BMPR1A: variants seen among roughly 807,000 people sequenced by gnomAD.
The protein encoded by BMPR1A is bone morphogenetic protein receptor type-1A.
A neutral mutation model predicts 66.0 loss-of-function variants in BMPR1A; 7 were observed. That is an observed-to-expected ratio of 0.11 (90% CI 0.06 to 0.20). The LOEUF (loss-of-function observed/expected upper bound fraction) is 0.20, where lower values mean the gene tolerates loss of function less well. BMPR1A is among the 10% of genes least tolerant of loss of function. The probability of loss-of-function intolerance (pLI) is 1.00; values close to 1 mark genes in which losing one functional copy is unlikely to be tolerated. For synonymous variants in BMPR1A, 200 were observed against 229.7 expected, an observed-to-expected ratio of 0.87 and a Z score of 1.17; for missense variants, 408 against 669.1, an observed-to-expected ratio of 0.61 and a Z score of 4.31.
At chr10:86,850,410 G>A (rs986953904) in intron 2 of BMPR1A, among the ~76,000 whole-genome samples, 4 of 152,104 alleles carry the variant, frequency 2.6e-5, no homozygotes, top group African/African-American at 9.7e-5. Flanking sequence ...AATAAAGGTG[G>A]TCTTATCTAC....
intron 1 of BMPR1A, among the ~76,000 whole-genome samples, chr10:86,787,356 C>T (rs577079785): frequency 2.5e-4 from 38 of 152,096 alleles, no homozygotes; most frequent in African/African-American, 8.7e-4. Context: ...AAATTTAACA[C>T]GGAAAGTAAC....
intron 1 of BMPR1A, among the ~76,000 whole-genome samples, chr10:86,804,630 C>A (rs111282116): frequency 6.6e-6 from 1 of 151,894 alleles, no homozygotes. Context: ...TTATTAAGTG[C>A]AAGATTGGTG....
intron 1 of BMPR1A, among the ~76,000 whole-genome samples, chr10:86,793,095 C>A (rs1018191989): frequency 3.0e-5 from 3 of 99,586 alleles, no homozygotes; most frequent in Admixed American, 2.0e-4. Flanking sequence ...CTGATCTATA[C>A]CCCCCCCCAC....
chr10:86,905,416 C>T (rs1052696480), intron 7 of BMPR1A, among the ~76,000 whole-genome samples: 2 of 152,212 alleles, frequency 1.3e-5, no homozygotes, highest in Admixed American at 1.3e-4. Context: ...TATTCGTTTA[C>T]TTACTCATGC....
intron 8 of BMPR1A, among the ~76,000 whole-genome samples, chr10:86,915,102 A>C (rs1843545436): frequency 6.6e-6 from 1 of 152,212 alleles, no homozygotes; most frequent in South Asian, 2.1e-4. Context: ...ACATGAAAGA[A>C]GCCAGACACA....
intron 1 of BMPR1A, among the ~76,000 whole-genome samples, chr10:86,797,136 C>T (rs75348273): frequency 6.8e-6 from 1 of 146,456 alleles, no homozygotes; most frequent in Non-Finnish European, 1.5e-5. Context: ...GCGATCTCTG[C>T]TCACTGCAGC....
At chr10:86,860,535 C>T (rs114089409) in intron 2 of BMPR1A, among the ~76,000 whole-genome samples, 1,713 of 151,926 alleles carry the variant, frequency 0.011, 29 homozygotes, top group African/African-American at 0.039. Context: ...TTTGGGAGGC[C>T]GAAGCTGGTG....
At chr10:86,913,156 G>C (rs1028235835) in intron 8 of BMPR1A, among the ~76,000 whole-genome samples, 1 of 151,844 alleles carries the variant, frequency 6.6e-6, no homozygotes, top group Non-Finnish European at 1.5e-5. Context: ...AGATAGTCTT[G>C]CTCTGTCACC....
At chr10:86,914,660 G>A (rs1843538267) in intron 8 of BMPR1A, among the ~76,000 whole-genome samples, 1 of 152,130 alleles carries the variant, frequency 6.6e-6, no homozygotes, top group Admixed American at 6.6e-5. Flanking sequence ...ATTAAACACA[G>A]TAAGATACTA....
At chr10:86,882,467 A>G (rs1215945827) in intron 3 of BMPR1A, among the ~76,000 whole-genome samples, 3 of 152,008 alleles carry the variant, frequency 2.0e-5, no homozygotes, top group Non-Finnish European at 4.4e-5. Flanking sequence ...TTTCAAACAT[A>G]TATATGTAAA....
intron 1 of BMPR1A, among the ~76,000 whole-genome samples, chr10:86,771,247 A>C (rs1841255374): frequency 6.6e-6 from 1 of 152,206 alleles, no homozygotes; most frequent in South Asian, 2.1e-4. Context: ...TCAAAAAGAA[A>C]CACTAATTCA....
chr10:86,833,510 G>A (rs1006487509), intron 1 of BMPR1A, among the ~76,000 whole-genome samples: 3 of 152,186 alleles, frequency 2.0e-5, no homozygotes, highest in African/African-American at 4.8e-5. Context: ...ATGAAGCAGA[G>A]GGAGGTGGGG....
chr10:86,886,222 A>G (rs186124809), intron 3 of BMPR1A, among the ~76,000 whole-genome samples: 41 of 152,326 alleles, frequency 2.7e-4, no homozygotes, highest in Admixed American at 3.3e-4. Flanking sequence ...TGAGGCCTGC[A>G]GGACCCAGAT....
chr10:86,921,273 C>T (rs1159200462), intron 10 of BMPR1A, among the ~76,000 whole-genome samples: 2 of 152,002 alleles, frequency 1.3e-5, no homozygotes, highest in African/African-American at 4.8e-5. Context: ...GGAGGACTAT[C>T]GGACTTAGTG....
intron 2 of BMPR1A, among the ~76,000 whole-genome samples, chr10:86,872,769 G>A (rs773639822): frequency 7.9e-5 from 12 of 151,966 alleles, no homozygotes; most frequent in Non-Finnish European, 1.5e-4. Context: ...GTTAAGATGG[G>A]GTCTTGCTGT....
intron 1 of BMPR1A, among the ~76,000 whole-genome samples, chr10:86,774,450 A>T (rs1018044123): frequency 7.8e-5 from 10 of 128,114 alleles, no homozygotes; most frequent in Admixed American, 1.6e-4. Flanking sequence ...AAAGAAATTA[A>T]AAAAAAAAAA....
rs1564724297 is a variant in BMPR1A at position 86,919,387 on chromosome 10, G to A, written c.1084G>A (p.Asp362Asn). ...AGGAAAGCCCGCAATTGCTCATCGA[G>A]ACCTAAAGAGCAAAAACATCCTCAT... The part of the protein sequence containing the change: ...TQGKPAIAHR[D>N]LKSKNILIKK... The change falls in exon 10 of 13, where the codon GAC becomes AAC. Residue 362 changes from aspartate to asparagine, a missense_variant. Asp to Asn is a conservative substitution (Grantham distance 23). Around this residue, in one of 5 missense-constraint regions of BMPR1A, gnomAD observed 130 missense variants for 257.3 expected, o/e 0.51. Coordinates refer to ENST00000372037, the MANE Select transcript of BMPR1A (RefSeq NM_004329.3). 1 of 1,613,056 alleles carries A rather than the reference G, an allele frequency of 6.2e-7. No individual in the cohort carries two copies. The highest frequency in any genetic ancestry group is 2.2e-5 in the East Asian group (1 of 44,880).
chr10:86,905,622 A>T (rs1589285377), intron 7 of BMPR1A, among the ~76,000 whole-genome samples: 1 of 151,838 alleles, frequency 6.6e-6, no homozygotes, highest in African/African-American at 2.4e-5. Context: ...ACTCTTGTTG[A>T]TGTTTGCCAG....
At chr10:86,780,959 T>A (rs1463580544) in intron 1 of BMPR1A, among the ~76,000 whole-genome samples, 1 of 152,104 alleles carries the variant, frequency 6.6e-6, no homozygotes, top group Admixed American at 6.6e-5. Flanking sequence ...CAAGCAATCC[T>A]CCCACAGTGC....
Sources: allele counts gnomAD v4.1 joint callset (sites outside exome capture counted in the v4.1 genomes callset), GRCh38; gene constraint gnomAD v4.1.1; regional missense constraint gnomAD v4.1.1; transcripts MANE v1.5; gene names NCBI Gene and HGNC (gene_info 2026-07-23, HGNC 2026-07-21).